RELB: variants seen among roughly 807,000 people sequenced by gnomAD.
RELB encodes transcription factor RelB.
A neutral mutation model predicts 55.4 loss-of-function variants in RELB; 14 were observed. The observed-to-expected ratio is 0.25, with a 90% CI of 0.17 to 0.40. The LOEUF (loss-of-function observed/expected upper bound fraction) is 0.40. Ranked by LOEUF, RELB falls within the 10% of genes least tolerant of loss-of-function variation. The probability of loss-of-function intolerance (pLI) is 1.00; values close to 1 mark genes in which losing one functional copy is unlikely to be tolerated. For synonymous variants in RELB, 409 were observed against 371.3 expected, an observed-to-expected ratio of 1.10 and a Z score of -1.17; for missense variants, 669 against 830.7, an observed-to-expected ratio of 0.81 and a Z score of 2.39.
chr19:45,014,991 C>T (rs1156315659), intron 4 of RELB, among the ~76,000 whole-genome samples: 1 of 151,066 alleles, frequency 6.6e-6, no homozygotes, highest in Non-Finnish European at 1.5e-5. Context: ...CAACTTCCGC[C>T]TCCTGGGTTC....
intron 9 of RELB, among the ~76,000 whole-genome samples, chr19:45,033,364 C>T (rs1226064407): frequency 6.6e-6 from 1 of 152,070 alleles, no homozygotes; most frequent in Non-Finnish European, 1.5e-5. Context: ...CCGGATTGTG[C>T]CTGGGGTGCT....
At chr19:45,010,053 A>C (rs1004729975) in intron 3 of RELB, among the ~76,000 whole-genome samples, 1 of 152,042 alleles carries the variant, frequency 6.6e-6, no homozygotes, top group African/African-American at 2.4e-5. Flanking sequence ...TAATCCTGGC[A>C]CTTTGGGAGG....
At position 45,003,080 on chromosome 19, in the gene RELB, G is replaced by C. The variant is rs1270636252; in HGVS notation, c.154+84G>C. 5.3e-6 allele frequency: 7 copies of C among 1,331,364 alleles called. 1 individual carries two copies. The highest frequency in any genetic ancestry group is 7.3e-6 in the Non-Finnish European group (7 of 955,932). The allele number at this position is 1,331,364 out of a possible 1,614,324, so 82.5% of individuals were successfully genotyped here. A position where few individuals can be genotyped will look rare whatever the true frequency, so the allele number is the denominator to read the frequency against. ...TCCACAGAGATGTCTCTGTTTGGGG[G>C]TTCACGAGGTCCACCTCAGCTTTCT... On this transcript the variant is annotated intron_variant, in intron 2 of 11. Coordinates refer to ENST00000221452, the MANE Select transcript of RELB (RefSeq NM_006509.4).
At chr19:45,017,079 C>T (rs1288187739) in intron 4 of RELB, among the ~76,000 whole-genome samples, 1 of 152,076 alleles carries the variant, frequency 6.6e-6, no homozygotes, top group Non-Finnish European at 1.5e-5. Flanking sequence ...CAACCAGCCA[C>T]CCCCCAAATC....
intron 1 of RELB, 38 bp from the exon 2 acceptor site, chr19:45,002,911 C>T: frequency 6.3e-7 from 1 of 1,588,654 alleles, no homozygotes; most frequent in Non-Finnish European, 8.6e-7. Flanking sequence ...CTCTGGCTGC[C>T]CCCCATCACC....
chr19:45,032,455 T>G, intron 8 of RELB, 79 bp from the exon 9 acceptor site: 3 of 1,204,272 alleles, frequency 2.5e-6, no homozygotes, highest in Non-Finnish European at 3.6e-6. Flanking sequence ...TTAGTCTTGA[T>G]TTTAGGGGAG....
Position 45,037,599 on chromosome 19 carries a change from T to C in RELB, c.1549T>C (p.Cys517Arg). 1 of 1,608,582 alleles carries C rather than the reference T, an allele frequency of 6.2e-7. No homozygotes were observed. Among genetic ancestry groups the C allele is most frequent in the Non-Finnish European group, 8.5e-7 (1 of 1,177,818 alleles). ...ACCGCCACACGCTAGCGCTGTTGTG[T>C]GCAGCGGAGGTGCCGGGGCCGTGGT... ...PAPPHASAVV[C>R]SGGAGAVVGE... Residue 517 changes from cysteine (C) to arginine (R), a missense_variant, in exon 12 of 12, where the codon TGC becomes CGC. Coordinates refer to ENST00000221452, the MANE Select transcript of RELB (RefSeq NM_006509.4).
At chr19:45,009,101 GAGAC>G (rs1971317988) in intron 2 of RELB, among the ~76,000 whole-genome samples, 3 of 152,108 alleles carry the variant, frequency 2.0e-5, no homozygotes, top group Non-Finnish European at 4.4e-5. Flanking sequence ...GTTTGTTTTT[GAGAC>G]AGTCTCGCTC....
Position 45,037,439 on chromosome 19 carries a change from C to T in RELB, c.1389C>T (p.Asp463=). The T allele has an allele frequency of 6.2e-7, 1 of 1,600,814 alleles. No individual in the cohort carries two copies. The highest frequency in any genetic ancestry group is 8.5e-7 in the Non-Finnish European group (1 of 1,176,584). Residue 463 remains aspartate, a synonymous_variant, in exon 12 of 12, where the codon GAC becomes GAT. Coordinates refer to ENST00000221452, the MANE Select transcript of RELB (RefSeq NM_006509.4). ...TCCCGCCGTCAGCCCTGCTGCCAGACCCTGACTTCTTCTCTGGCACCGTGT... is the reference window on the plus strand; with the variant it reads ...TCCCGCCGTCAGCCCTGCTGCCAGATCCTGACTTCTTCTCTGGCACCGTGT... ...PFLPPSALLP[D]PDFFSGTVSL... is the part of the protein sequence containing the mutation.
intron 7 of RELB, among the ~76,000 whole-genome samples, chr19:45,026,811 G>A (rs1971563832): frequency 6.6e-6 from 1 of 152,156 alleles, no homozygotes; most frequent in Non-Finnish European, 1.5e-5. Flanking sequence ...ACCCTCTATA[G>A]AGGGATACAG....
intron 8 of RELB, among the ~76,000 whole-genome samples, chr19:45,029,339 G>GTTA (rs1971594361): frequency 6.6e-6 from 1 of 152,074 alleles, no homozygotes; most frequent in Non-Finnish European, 1.5e-5. Flanking sequence ...TAAGCGCTAT[G>GTTA]GGTAAAGCAA....
At chr19:45,035,048 G>A (rs562649726) in intron 11 of RELB, among the ~76,000 whole-genome samples, 10 of 151,678 alleles carry the variant, frequency 6.6e-5, no homozygotes, top group African/African-American at 1.9e-4. Flanking sequence ...TACCACATTG[G>A]CCAGGCTGGT....
chr19:45,003,850 C>G (rs1971245552), intron 2 of RELB, among the ~76,000 whole-genome samples: 1 of 145,790 alleles, frequency 6.9e-6, no homozygotes. Context: ...ATTATTATTA[C>G]TAGACAGTCT....
intron 4 of RELB, 99 bp from the exon 5 acceptor site, chr19:45,021,954 G>A: frequency 1.7e-6 from 2 of 1,198,110 alleles, no homozygotes; most frequent in Non-Finnish European, 2.3e-6. Flanking sequence ...GGACCCTAGT[G>A]GGGAGAGGAT....
intron 7 of RELB, among the ~76,000 whole-genome samples, chr19:45,027,043 C>T (rs1479934218): frequency 6.6e-6 from 1 of 152,046 alleles, no homozygotes; most frequent in Non-Finnish European, 1.5e-5. Context: ...TCCTGGCTAA[C>T]ATGGCGAAAC....
intron 8 of RELB, among the ~76,000 whole-genome samples, chr19:45,030,837 T>C (rs1373695213): frequency 6.6e-6 from 1 of 152,182 alleles, no homozygotes; most frequent in Non-Finnish European, 1.5e-5. Context: ...GTTCCAGAGA[T>C]ATCTAGTAAC....
chr19:45,008,528 C>T (rs1971311235), intron 2 of RELB: 6 of 456,160 alleles, frequency 1.3e-5, no homozygotes, highest in Admixed American at 4.7e-5. Flanking sequence ...CTGCCACTGA[C>T]CTAGAGCGTG....
At chr19:45,014,750 C>T (rs1022348660) in intron 4 of RELB, among the ~76,000 whole-genome samples, 15 of 151,684 alleles carry the variant, frequency 9.9e-5, no homozygotes, top group African/African-American at 3.2e-4. Flanking sequence ...AACTTCTGAC[C>T]CCAAGTGATC....
chr19:45,009,736 A>T, intron 2 of RELB, 78 bp from the exon 3 acceptor site: 1 of 1,521,020 alleles, frequency 6.6e-7, no homozygotes, highest in South Asian at 1.1e-5. Context: ...AGGGTTGGGG[A>T]ATCTGTCTTA....
Sources: allele counts gnomAD v4.1 joint callset (sites outside exome capture counted in the v4.1 genomes callset), GRCh38; gene constraint gnomAD v4.1.1; transcripts MANE v1.5; gene names NCBI Gene and HGNC (gene_info 2026-07-23, HGNC 2026-07-21).